Variants in PAH observed in about 807,000 individuals in gnomAD.
PAH encodes phenylalanine hydroxylase, also known as phenylalanine-4-hydroxylase.
A neutral mutation model predicts 62.0 loss-of-function variants in PAH; 64 were observed. The ratio of observed to expected loss-of-function variants is 1.03; its 90% CI spans 0.84 to 1.27. The LOEUF (loss-of-function observed/expected upper bound fraction) is 1.27. PAH is among the 50% of genes most tolerant of loss of function. The probability of loss-of-function intolerance (pLI) is 0.00; values close to 1 mark genes in which losing one functional copy is unlikely to be tolerated. For missense variants in PAH, 579 were observed against 542.8 expected (o/e 1.07, Z -0.66); for synonymous variants, 195 against 196.2 (o/e 0.99, Z 0.05).
At chr12:102,847,996 G>T (rs1307554368) in intron 8 of PAH, among the ~76,000 whole-genome samples, 2 of 152,212 alleles carry the variant, frequency 1.3e-5, no homozygotes, top group African/African-American at 2.4e-5. Flanking sequence ...GGGATCCAGA[G>T]CCAGATCATG....
intron 2 of PAH, among the ~76,000 whole-genome samples, chr12:102,901,204 C>T (rs1877745673): frequency 1.3e-5 from 2 of 152,070 alleles, no homozygotes; most frequent in Admixed American, 6.6e-5. Context: ...CTGGGCGCCC[C>T]GTCTCCTCCT....
rs553098935 is a variant in PAH, at chr12:102,863,289, T to A, written c.509+3307A>T. ...CATTTTAAAAGAAAGGCATCTGTTATTCCTGCAACAAATTTCAAGAAATGG... is the reference window on the plus strand; with the variant it reads ...CATTTTAAAAGAAAGGCATCTGTTAATCCTGCAACAAATTTCAAGAAATGG... On this transcript the variant is annotated intron_variant, in intron 5 of 12. Coordinates refer to ENST00000553106, the MANE Select transcript of PAH (RefSeq NM_000277.3). Among the ~76,000 whole-genome samples the A allele has an allele frequency of 2.6e-5, 4 of 152,304 alleles. No homozygotes were observed. In the East Asian group the frequency reaches 7.7e-4, roughly 29 times the overall value.
intron 3 of PAH, among the ~76,000 whole-genome samples, chr12:102,888,205 T>G (rs891708715): frequency 6.6e-6 from 1 of 152,108 alleles, no homozygotes; most frequent in African/African-American, 2.4e-5. Flanking sequence ...ACAACCACAC[T>G]GGTACCTGGA....
At chr12:102,943,027 A>G (rs1879348644) in intron 1 of PAH, among the ~76,000 whole-genome samples, 1 of 152,100 alleles carries the variant, frequency 6.6e-6, no homozygotes, top group Non-Finnish European at 1.5e-5. Flanking sequence ...AATTTCATGA[A>G]GAAAACACCA....
intron 6 of PAH, 50 bp from the exon 7 acceptor site, chr12:102,853,000 G>A (rs756210737): frequency 6.2e-7 from 1 of 1,602,394 alleles, no homozygotes; most frequent in Non-Finnish European, 8.5e-7. Context: ...CACTGAGTCA[G>A]AGGCACTAGG....
chr12:102,856,613 C>T (rs751356241), intron 5 of PAH, among the ~76,000 whole-genome samples: 27 of 152,146 alleles, frequency 1.8e-4, no homozygotes, highest in Non-Finnish European at 2.5e-4. Context: ...CGCACACGGC[C>T]GGGTACCCCT....
At chr12:102,856,568 C>A (rs1326606833) in intron 5 of PAH, among the ~76,000 whole-genome samples, 2 of 152,224 alleles carry the variant, frequency 1.3e-5, no homozygotes, top group Admixed American at 1.3e-4. Context: ...AGTAGCCTAA[C>A]TGGGAGGCAC....
At chr12:102,895,706 G>T (rs908034602) in intron 2 of PAH, among the ~76,000 whole-genome samples, 17 of 151,632 alleles carry the variant, frequency 1.1e-4, no homozygotes, top group Admixed American at 1.1e-3. Context: ...AGAATTAGCT[G>T]GGCATGGTGG....
intron 2 of PAH, among the ~76,000 whole-genome samples, chr12:102,897,218 TCACCTGTAC>T (rs895112473): frequency 1.8e-4 from 28 of 152,118 alleles, no homozygotes; most frequent in African/African-American, 6.8e-4. Flanking sequence ...TCCATGTTTC[TCACCTGTAC>T]CACCTTTAAG....
chr12:102,841,560 G>T (rs1368493333), intron 11 of PAH, among the ~76,000 whole-genome samples: 2 of 152,138 alleles, frequency 1.3e-5, no homozygotes, highest in Non-Finnish European at 2.9e-5. Context: ...GCCTCAGGGG[G>T]TTGCAGCAAA....
intron 1 of PAH, among the ~76,000 whole-genome samples, chr12:102,927,202 G>A (rs1212936979): frequency 6.6e-6 from 1 of 151,982 alleles, no homozygotes; most frequent in Admixed American, 6.6e-5. Flanking sequence ...GAAAGCTAGG[G>A]GAGGCTGCCA....
intron 1 of PAH, among the ~76,000 whole-genome samples, chr12:102,947,108 TTTAAATTCAGATGGATTTTTCA>T (rs1879529029): frequency 6.6e-6 from 1 of 152,172 alleles, no homozygotes; most frequent in South Asian, 2.1e-4. Context: ...AAGAAAATGA[TTTAAATTCAGATGGATTTTTCA>T]TTATGTACAT....
At position 102,958,144 on chromosome 12, in the gene PAH, C is replaced by T. The variant is rs1879984719; in HGVS notation, c.-96+51G>A. 5 of 861,128 alleles carry T rather than the reference C, an allele frequency of 5.8e-6. No individual in the cohort carries two copies. In the East Asian group the frequency reaches 1.7e-4, roughly 29 times the overall value. The allele number at this position is 861,128 out of a possible 1,614,324, so 53.3% of individuals were successfully genotyped here. ...GCTTCATATTTCCTTTTCTTTCCCT[C>T]TCTGTTCCTGCACCCAAGTTCTCTC... On this transcript the variant is annotated intron_variant, in intron 1 of 4. Transcript: ENST00000551337.
At chr12:102,935,575 T>C (rs1373534970) in intron 1 of PAH, among the ~76,000 whole-genome samples, 1 of 152,124 alleles carries the variant, frequency 6.6e-6, no homozygotes, top group Non-Finnish European at 1.5e-5. Flanking sequence ...TTGTTACTTG[T>C]TATTGGTCTG....
chr12:102,875,314 G>T (rs889327780), intron 4 of PAH, among the ~76,000 whole-genome samples: 1 of 152,168 alleles, frequency 6.6e-6, no homozygotes, highest in African/African-American at 2.4e-5. Flanking sequence ...GATACAGGGA[G>T]AAAAATGTCC....
upstream of PAH, chr12:102,917,664 A>G (rs1455557003): frequency 1.5e-5 from 3 of 196,952 alleles, no homozygotes; most frequent in Non-Finnish European, 2.1e-5. Context: ...GTTAACCTCT[A>G]AGCACACTGC....
chr12:102,868,050 G>A lies in PAH; in HGVS notation c.442-1387C>T, dbSNP rs28630510. On this transcript the variant is annotated intron_variant, in intron 4 of 12. Transcript: ENST00000553106. ...TACATGTATATACACCTATATATAT[G>A]TATATATATACACATATATATACAT... 1.6e-4 allele frequency among the ~76,000 whole-genome samples: 19 copies of A among 117,948 alleles called. 2 individuals are homozygous for A. Among genetic ancestry groups the A allele is most frequent in the African/African-American group, 5.1e-4 (15 of 29,324 alleles). The allele number at this position is 117,948 out of a possible 152,430, so 77.4% of individuals were successfully genotyped here.
rs62642915 is a variant in PAH, at chr12:102,846,929, C to A, written c.935G>T (p.Gly312Val). 6.2e-7 allele frequency: 1 copy of A among 1,613,614 alleles called. No individual in the cohort carries two copies. The highest frequency in any genetic ancestry group is 2.2e-5 in the East Asian group (1 of 44,862). Residue 312 changes from glycine to valine, a missense_variant, in exon 9 of 13, where the codon GGT (glycine) becomes GTT (valine). Transcript: ENST00000553106. ...FSQEIGLASLGAPDEYIEKLA... is the reference protein window; with the variant it reads ...FSQEIGLASLVAPDEYIEKLA... ...CTTTTCAATGTATTCATCAGGTGCACCCAGAGAGGCAAGGCCAATTTCCTG... is the reference window on the plus strand; with the variant it reads ...CTTTTCAATGTATTCATCAGGTGCAACCAGAGAGGCAAGGCCAATTTCCTG...
chr12:102,913,720 A>G lies in PAH; in HGVS notation c.61-822T>C, dbSNP rs576608963. On this transcript the variant is annotated intron_variant, in intron 1 of 12. Transcript: ENST00000553106. The stretch of plus-strand genomic sequence containing the variant: ...TTGTTGAAAAAGAGTTACAAAATCC[A>G]TGAAAGTACACAAATAACCTATCAG... 7 of 680,014 alleles carry G rather than the reference A, an allele frequency of 1.0e-5. No individual in the cohort carries two copies. In the Admixed American group the frequency reaches 1.1e-4, roughly 10 times the overall value. 42.1% of individuals were successfully genotyped at this position (680,014 alleles called of 1,614,324 possible).
Sources: allele counts gnomAD v4.1 joint callset (sites outside exome capture counted in the v4.1 genomes callset), GRCh38; gene constraint gnomAD v4.1.1; transcripts MANE v1.5; gene names NCBI Gene and HGNC (gene_info 2026-07-23, HGNC 2026-07-21).